The following BCL2L13 variants were observed in gnomAD, a reference collection of about 807,000 sequenced individuals.
BCL2L13 encodes the protein BCL2 like 13.
A neutral mutation model predicts 25.8 loss-of-function variants in BCL2L13; 13 were observed. The ratio of observed to expected loss-of-function variants is 0.50; its 90% CI spans 0.33 to 0.80. The LOEUF (loss-of-function observed/expected upper bound fraction) is 0.80, where lower values mean the gene tolerates loss of function less well. BCL2L13 is among the 30% of genes least tolerant of loss of function. The pLI is 0.02. For missense variants in BCL2L13, 504 were observed against 574.9 expected (o/e 0.88, Z 1.26); for synonymous variants, 244 against 230.3 (o/e 1.06, Z -0.54).
chr22:17,638,985 C>T, intron 1 of BCL2L13, 99 bp downstream of exon 1: 11 of 990,556 alleles, frequency 1.1e-5, no homozygotes, highest in Non-Finnish European at 1.4e-5. Flanking sequence ...CACCGACTCC[C>T]CAGTGGTTCC....
chr22:17,640,493 A>G (rs1860935537), intron 1 of BCL2L13, among the ~76,000 whole-genome samples: 2 of 152,192 alleles, frequency 1.3e-5, no homozygotes, highest in Non-Finnish European at 1.5e-5. Flanking sequence ...CACATAATCT[A>G]ATCAACATGT....
At chr22:17,712,792 T>C (rs567807324) in intron 6 of BCL2L13, among the ~76,000 whole-genome samples, 8 of 152,346 alleles carry the variant, frequency 5.3e-5, no homozygotes, top group African/African-American at 1.7e-4. Context: ...ATTACAGAAA[T>C]GTTTCCCTAA....
At chr22:17,643,350 C>T (rs879573649) in intron 1 of BCL2L13, among the ~76,000 whole-genome samples, 34 of 151,216 alleles carry the variant, frequency 2.2e-4, no homozygotes, top group African/African-American at 6.1e-4. Flanking sequence ...GTGATCCGCC[C>T]GCCTTAGCCT....
chr22:17,651,462 A>C (rs1250114357), intron 1 of BCL2L13, among the ~76,000 whole-genome samples: 1 of 150,956 alleles, frequency 6.6e-6, no homozygotes, highest in African/African-American at 2.4e-5. Context: ...GCTTACTGCA[A>C]GCTCCGCCTC....
intron 5 of BCL2L13, among the ~76,000 whole-genome samples, chr22:17,697,298 C>T (rs773280485): frequency 6.6e-6 from 1 of 152,036 alleles, no homozygotes; most frequent in Non-Finnish European, 1.5e-5. Context: ...ATTAGCTGGG[C>T]ATGGTGGCGC....
intron 1 of BCL2L13, among the ~76,000 whole-genome samples, chr22:17,645,329 C>T (rs1412622456): frequency 6.9e-6 from 1 of 144,894 alleles, no homozygotes; most frequent in Non-Finnish European, 1.5e-5. Context: ...TCAAGCGATT[C>T]TCATGCCTCA....
In BCL2L13 at chr22:17,660,424, T is replaced by A. The variant is rs952045413; in HGVS notation, c.121+4592T>A. On this transcript the variant is annotated intron_variant, in intron 2 of 6. Coordinates refer to ENST00000317582, the MANE Select transcript of BCL2L13 (RefSeq NM_015367.4). ...GTTTATTTCTACACTTACTGATTGA[T>A]TGATTGATTGATTGAGGCAGAGCCT... 1.4e-5 allele frequency among the ~76,000 whole-genome samples: 2 copies of A among 146,108 alleles called. 1 individual carries two copies. The highest frequency in any genetic ancestry group is 3.1e-5 in the Non-Finnish European group (2 of 64,196).
chr22:17,660,433 T>G (rs541091926), intron 2 of BCL2L13, among the ~76,000 whole-genome samples: 4 of 146,450 alleles, frequency 2.7e-5, no homozygotes, highest in African/African-American at 9.7e-5. Context: ...ATTGATTGAT[T>G]GATTGAGGCA....
chr22:17,647,667 G>A (rs973505379), intron 1 of BCL2L13, among the ~76,000 whole-genome samples: 39 of 152,156 alleles, frequency 2.6e-4, no homozygotes, highest in African/African-American at 7.7e-4. Context: ...ACCCAATTAA[G>A]TGGTTGTGCT....
At chr22:17,708,962 A>G (rs1008789152) in intron 6 of BCL2L13, among the ~76,000 whole-genome samples, 2 of 152,206 alleles carry the variant, frequency 1.3e-5, no homozygotes, top group East Asian at 3.8e-4. Flanking sequence ...TCGGCCGAGC[A>G]TGGTGGCTAA....
intron 1 of BCL2L13, among the ~76,000 whole-genome samples, chr22:17,631,700 A>G (rs546590318): frequency 0.04 from 846 of 21,140 alleles, 75 homozygotes; most frequent in South Asian, 0.11. Context: ...ATATATATAT[A>G]TATATATTTT....
In BCL2L13 at chr22:17,630,480, G is replaced by T. The variant is rs1028245812; in HGVS notation, c.-650+1475G>T. Among the ~76,000 whole-genome samples, 4 of 151,366 alleles carry T rather than the reference G, an allele frequency of 2.6e-5. No homozygotes were observed. In the East Asian group the frequency reaches 7.9e-4, roughly 30 times the overall value. ...TTTTTAGTAGAGATGAGGTTTCACT[G>T]TGTTGGCCAGGCTGGTCTTGAACTG... On this transcript the variant is annotated intron_variant, in intron 1 of 6. Transcript: ENST00000399782.
intron 6 of BCL2L13, among the ~76,000 whole-genome samples, chr22:17,724,526 G>A (rs1218611963): frequency 2.6e-5 from 4 of 152,166 alleles, no homozygotes; most frequent in African/African-American, 9.7e-5. Context: ...AGCAAGGGTC[G>A]AGGTAGAAAG....
intron 6 of BCL2L13, among the ~76,000 whole-genome samples, chr22:17,721,821 C>T (rs59494194): frequency 0.053 from 8,117 of 152,058 alleles, 358 homozygotes; most frequent in African/African-American, 0.12. Context: ...CCACCACACC[C>T]GGCTAATTTT....
chr22:17,660,446 G>T (rs1035130594), intron 2 of BCL2L13, among the ~76,000 whole-genome samples: 2 of 145,560 alleles, frequency 1.4e-5, no homozygotes, highest in Non-Finnish European at 3.1e-5. Context: ...TTGAGGCAGA[G>T]CCTTGCTCTT....
At chr22:17,662,027 T>G (rs933382289) in intron 2 of BCL2L13, among the ~76,000 whole-genome samples, 1 of 152,008 alleles carries the variant, frequency 6.6e-6, no homozygotes, top group African/African-American at 2.4e-5. Context: ...ATTTTAAAAT[T>G]TACAGTATAA....
chr22:17,640,092 C>A (rs1819061975), intron 1 of BCL2L13, among the ~76,000 whole-genome samples: 1 of 152,162 alleles, frequency 6.6e-6, no homozygotes, highest in Admixed American at 6.6e-5. Context: ...AATCTCTGGT[C>A]ATCCCCCCGC....
intron 2 of BCL2L13, among the ~76,000 whole-genome samples, chr22:17,669,278 C>T (rs143957918): frequency 0.016 from 2,402 of 151,718 alleles, 58 homozygotes; most frequent in African/African-American, 0.051. Flanking sequence ...GTGATCTGCC[C>T]GCCTCGGCCT....
In BCL2L13 at chr22:17,715,156, A is replaced by T. The variant is rs1569007989; in HGVS notation, c.601-11521A>T. Among the ~76,000 whole-genome samples the T allele has an allele frequency of 1.2e-3, 7 of 5,648 alleles. 1 individual carries two copies. Among genetic ancestry groups the T allele is most frequent in the South Asian group, 0.012 (1 of 84 alleles). 3.7% of individuals were successfully genotyped at this position (5,648 alleles called of 152,430 possible). ...TATATATATATATATATATATATAT[A>T]TATATATATATATATTTTTTTTTTT... On this transcript the variant is annotated intron_variant, in intron 6 of 6. Coordinates refer to ENST00000317582, the MANE Select transcript of BCL2L13 (RefSeq NM_015367.4).
Sources: gnomAD v4.1 joint callset for allele counts (sites outside exome capture counted in the v4.1 genomes callset) on GRCh38, gnomAD v4.1.1 for gene constraint, MANE v1.5 for transcripts, NCBI Gene and HGNC (gene_info 2026-07-23, HGNC 2026-07-21) for gene names.